CLN6: variants seen among roughly 807,000 people sequenced by gnomAD.
CLN6 encodes the protein CLN6 transmembrane ER protein.
In CLN6, 22 loss-of-function variants were observed where a neutral mutation model predicts 33.3. The ratio of observed to expected loss-of-function variants is 0.66; its 90% CI spans 0.47 to 0.94. The LOEUF is 0.94. Ranked by LOEUF, CLN6 falls within the 40% of genes least tolerant of loss-of-function variation. The probability of loss-of-function intolerance (pLI) is 0.00; values close to 1 mark genes in which losing one functional copy is unlikely to be tolerated. For synonymous variants in CLN6, 201 were observed against 174.6 expected (o/e 1.15, Z -1.19); for missense variants, 387 against 417.1 (o/e 0.93, Z 0.63).
At chr15:68,252,332 G>A (rs1376340295) in intron 1 of CLN6, among the ~76,000 whole-genome samples, 2 of 152,084 alleles carry the variant, frequency 1.3e-5, no homozygotes, top group East Asian at 3.8e-4. Flanking sequence ...CAAAATACAT[G>A]AATAGGCACT....
In CLN6 at chr15:68,247,306, C is replaced by G. The variant is rs1328964447; in HGVS notation, c.179+9384G>C. ...AACTGTTAGAACTGATAAACAAATG[C>G]AGTAAAGTCGCTGGATACAAAATCA... On this transcript the variant is annotated intron_variant, in intron 1 of 6. Coordinates refer to the CLN6 transcript ENST00000538696. This position sits in a 1 kb window ranked among gnomAD's most constrained non-coding sequence, Gnocchi z 4.2. Among the ~76,000 whole-genome samples the G allele has an allele frequency of 6.6e-6, 1 of 152,090 alleles. No individual in the cohort carries two copies. Among genetic ancestry groups the G allele is most frequent in the Non-Finnish European group, 1.5e-5 (1 of 68,036 alleles).
upstream of CLN6, among the ~76,000 whole-genome samples, chr15:68,229,947 T>C (rs999670705): frequency 1.3e-5 from 2 of 152,130 alleles, no homozygotes; most frequent in African/African-American, 4.8e-5. Context: ...CGGGAATCTC[T>C]GTCTAGGGTG....
Position 68,244,096 on chromosome 15 carries a change from A to C in CLN6, c.179+12594T>G, listed in dbSNP as rs562416415. 9.2e-5 allele frequency among the ~76,000 whole-genome samples: 14 copies of C among 151,842 alleles called. No individual in the cohort carries two copies. In the East Asian group the frequency reaches 9.7e-4, roughly 10 times the overall value. On this transcript the variant is annotated intron_variant, in intron 1 of 6. Coordinates refer to the CLN6 transcript ENST00000538696. ...ATCAAAAAAACAAAAAACAAACAAAAAAAAAACTAGCTTTAACATTAAAGA... is the reference window on the plus strand; with the variant it reads ...ATCAAAAAAACAAAAAACAAACAAACAAAAAACTAGCTTTAACATTAAAGA...
At chr15:68,231,146 G>A (rs1418741691), upstream of CLN6, among the ~76,000 whole-genome samples, 1 of 152,010 alleles carries the variant, frequency 6.6e-6, no homozygotes, top group East Asian at 1.9e-4. Context: ...TTTCCCCTTT[G>A]GTCAGAACCT....
intron 1 of CLN6, among the ~76,000 whole-genome samples, chr15:68,223,033 T>G (rs1370272688): frequency 2.6e-5 from 4 of 152,058 alleles, no homozygotes; most frequent in Non-Finnish European, 5.9e-5. Flanking sequence ...GAGACCTTTG[T>G]TCACGTGTTT....
intron 1 of CLN6, among the ~76,000 whole-genome samples, chr15:68,240,782 G>C (rs7170983): frequency 2.6e-5 from 4 of 151,646 alleles, no homozygotes; most frequent in Admixed American, 2.0e-4. Context: ...TTGGGAGTTC[G>C]AGACCACCCT....
rs184610191 is a variant in CLN6, at chr15:68,243,703, C to T, written c.179+12987G>A. 3.0e-3 allele frequency among the ~76,000 whole-genome samples: 435 copies of T among 146,742 alleles called. 1 individual carries two copies. The highest frequency in any genetic ancestry group is 4.6e-3 in the Non-Finnish European group (311 of 67,274). ...CCAGGAGGCAGAGGTTGCAGTGAGC[C>T]GATATTGCGCCACTGCACTCCATCC... On this transcript the variant is annotated intron_variant, in intron 1 of 6. Coordinates refer to the CLN6 transcript ENST00000538696.
chr15:68,223,749 A>G (rs1213131143), intron 1 of CLN6, among the ~76,000 whole-genome samples: 1 of 152,028 alleles, frequency 6.6e-6, no homozygotes, highest in Non-Finnish European at 1.5e-5. Flanking sequence ...GACAGGAAAA[A>G]AAAAAAAAGA....
chr15:68,246,220 T>C lies in CLN6; in HGVS notation c.179+10470A>G, dbSNP rs1260227255. Among the ~76,000 whole-genome samples, 1 of 152,160 alleles carries C rather than the reference T, an allele frequency of 6.6e-6. No homozygotes were observed. Among genetic ancestry groups the C allele is most frequent in the East Asian group, 1.9e-4 (1 of 5,200 alleles). On this transcript the variant is annotated intron_variant, in intron 1 of 6. Transcript: ENST00000538696. The surrounding 1 kb of genome is among the most constrained non-coding windows in gnomAD (Gnocchi z 4.5). ...AACTACACACTAGACCAAATAGGCCTAACTGACGTTTACAGAACATTTCAC... is the reference window on the plus strand; with the variant it reads ...AACTACACACTAGACCAAATAGGCCCAACTGACGTTTACAGAACATTTCAC...
upstream of CLN6, among the ~76,000 whole-genome samples, chr15:68,233,936 A>G (rs1434388180): frequency 6.6e-6 from 1 of 152,218 alleles, no homozygotes; most frequent in East Asian, 1.9e-4. The surrounding 1 kb of genome is among the most constrained non-coding windows in gnomAD (Gnocchi z 4.3). Context: ...TGGGAGGGTG[A>G]CCAGAAGTCA....
chr15:68,218,371 G>C, intron 2 of CLN6, 165 bp downstream of exon 2: 1 of 593,656 alleles, frequency 1.7e-6, no homozygotes, highest in Admixed American at 2.4e-5. Flanking sequence ...GCAGTTGCCT[G>C]ACGGGCCAAG....
intron 1 of CLN6, among the ~76,000 whole-genome samples, chr15:68,249,139 G>A (rs1892353959): frequency 6.6e-6 from 1 of 152,192 alleles, no homozygotes; most frequent in African/African-American, 2.4e-5. Flanking sequence ...ATCTAGCCTA[G>A]TTCGAATGAC....
chr15:68,234,348 G>C (rs1892196582), upstream of CLN6, among the ~76,000 whole-genome samples: 1 of 152,212 alleles, frequency 6.6e-6, no homozygotes, highest in Non-Finnish European at 1.5e-5. This position sits in a 1 kb window ranked among gnomAD's most constrained non-coding sequence, Gnocchi z 4.1. Context: ...GAGGGATTCT[G>C]ATTGGATGGC....
intron 1 of CLN6, among the ~76,000 whole-genome samples, chr15:68,251,589 C>T (rs543432129): frequency 6.6e-6 from 1 of 152,140 alleles, no homozygotes; most frequent in East Asian, 1.9e-4. Context: ...GCAGAAGAAT[C>T]GCTTGAGCCT....
At chr15:68,222,218 G>C (rs111347539) in intron 1 of CLN6, among the ~76,000 whole-genome samples, 4 of 137,814 alleles carry the variant, frequency 2.9e-5, no homozygotes, top group Admixed American at 7.2e-5. Context: ...CAGCCGCCCC[G>C]TCTGGGAGGT....
intron 1 of CLN6, among the ~76,000 whole-genome samples, chr15:68,245,258 C>T (rs1401725814): frequency 6.6e-6 from 1 of 151,288 alleles, no homozygotes; most frequent in Non-Finnish European, 1.5e-5. Flanking sequence ...AAACCTATAA[C>T]AGATACAATA....
upstream of CLN6, chr15:68,229,758 GCGGAGCGGA>G (rs2093264004): frequency 2.0e-5 from 2 of 100,642 alleles, no homozygotes; most frequent in African/African-American, 5.7e-5. Context: ...GCGGGGCGGA[GCGGAGCGGA>G]GCGGAGCGGA....
intron 1 of CLN6, among the ~76,000 whole-genome samples, chr15:68,249,464 T>C (rs759198174): frequency 6.6e-5 from 10 of 152,222 alleles, no homozygotes; most frequent in Admixed American, 1.3e-4. Flanking sequence ...AAATGTGGTA[T>C]AGATATACAA....
Position 68,211,146 on chromosome 15 carries a change from GA to G in CLN6, c.542+116del. 1.1e-6 allele frequency: 1 copy of G among 889,768 alleles called. No homozygotes were observed. Among genetic ancestry groups the G allele is most frequent in the Non-Finnish European group, 1.9e-6 (1 of 521,762 alleles). The allele number at this position is 889,768 out of a possible 1,614,324, so 55.1% of individuals were successfully genotyped here. On this transcript the variant is annotated intron_variant, in intron 5 of 6. Coordinates refer to ENST00000249806, the MANE Select transcript of CLN6 (RefSeq NM_017882.3). This position sits in a 1 kb window ranked among gnomAD's most constrained non-coding sequence, Gnocchi z 5.9. ...CTCACAGTGCCTTTACAGGGGATGA[GA>G]CTCAACACATGGAGACCCGCAGCCC...
Sources: allele counts gnomAD v4.1 joint callset (sites outside exome capture counted in the v4.1 genomes callset), GRCh38; gene constraint gnomAD v4.1.1; non-coding constraint Gnocchi (gnomAD v3.1); transcripts MANE v1.5; gene names NCBI Gene and HGNC (gene_info 2026-07-23, HGNC 2026-07-21).